Variants in GGNBP2 observed in about 807,000 individuals in gnomAD.
GGNBP2 encodes gametogenetin-binding protein 2.
A neutral mutation model predicts 85.9 loss-of-function variants in GGNBP2; 10 were observed. The observed-to-expected ratio is 0.12, with a 90% CI of 0.07 to 0.20. GGNBP2 has a LOEUF of 0.20. Among genes scored for constraint, GGNBP2 ranks in the 10% least tolerant of loss-of-function variants. The pLI is 1.00. For missense variants in GGNBP2, 595 were observed against 857.8 expected, an observed-to-expected ratio of 0.69 and a Z score of 3.83; for synonymous variants, 287 against 285.7, an observed-to-expected ratio of 1.00 and a Z score of -0.05.
At chr17:36,549,359 C>T (rs187692886) in intron 2 of GGNBP2, among the ~76,000 whole-genome samples, 15 of 152,244 alleles carry the variant, frequency 9.9e-5, no homozygotes, top group East Asian at 1.9e-4. Context: ...CGTGTCACCA[C>T]GCCCAGCTAA....
intron 4 of GGNBP2, among the ~76,000 whole-genome samples, chr17:36,559,296 CAAAAAAAAAAAAAAAAA>C (rs892895973): frequency 3.2e-5 from 1 of 31,498 alleles, no homozygotes; most frequent in Non-Finnish European, 7.1e-5. Flanking sequence ...GACTCTGTCT[CAAAAAAAAAAAAAAAAA>C]AAAAAAAAGA....
At chr17:36,573,979 A>AT (rs1388953088) in intron 6 of GGNBP2, among the ~76,000 whole-genome samples, 1 of 151,518 alleles carries the variant, frequency 6.6e-6, no homozygotes, top group Non-Finnish European at 1.5e-5. Flanking sequence ...TTTTTTTGTG[A>AT]TTGAGTTCTA....
At chr17:36,546,404 A>T (rs1355515545) in intron 2 of GGNBP2, 1 of 154,946 alleles carries the variant, frequency 6.5e-6, no homozygotes, top group Non-Finnish European at 1.4e-5. Context: ...CCTTTCTTCA[A>T]AACGGGCTTT....
chr17:36,562,964 A>C (rs2074433714), intron 5 of GGNBP2, among the ~76,000 whole-genome samples: 1 of 146,252 alleles, frequency 6.8e-6, no homozygotes, highest in Non-Finnish European at 1.5e-5. Context: ...AAAAAAAAAA[A>C]AAAAAAAAAA....
At chr17:36,566,649 C>T (rs575402599) in intron 5 of GGNBP2, among the ~76,000 whole-genome samples, 24 of 151,934 alleles carry the variant, frequency 1.6e-4, no homozygotes, top group African/African-American at 5.8e-4. Context: ...CCACTGCATT[C>T]CAGCCTGAGT....
chr17:36,563,223 A>G (rs2074437109), intron 5 of GGNBP2, among the ~76,000 whole-genome samples: 2 of 152,084 alleles, frequency 1.3e-5, no homozygotes, highest in Non-Finnish European at 2.9e-5. Flanking sequence ...CCAAGATCGC[A>G]CCATTGCACT....
intron 9 of GGNBP2, among the ~76,000 whole-genome samples, chr17:36,584,725 G>T (rs1417818935): frequency 6.6e-6 from 1 of 152,190 alleles, no homozygotes; most frequent in African/African-American, 2.4e-5. Flanking sequence ...ATGGCAGAAG[G>T]ATTGCTTAAG....
At position 36,581,363 on chromosome 17, in the gene GGNBP2, A is replaced by G. The variant is rs967623347; in HGVS notation, c.1040A>G (p.Gln347Arg). 1 of 1,602,204 alleles carries G rather than the reference A, an allele frequency of 6.2e-7. No individual in the cohort carries two copies. Among genetic ancestry groups the G allele is most frequent in the East Asian group, 2.2e-5 (1 of 44,778 alleles). ...TAATAGATGACCGTGGAAAAAGTACAGGGTATTAGCAGATTGGAACAACTT... is the reference window on the plus strand; with the variant it reads ...TAATAGATGACCGTGGAAAAAGTACGGGGTATTAGCAGATTGGAACAACTT... ...KSFEMTVEKV[Q>R]GISRLEQLCE... Residue 347 changes from glutamine to arginine, a missense_variant, in exon 9 of 14, where the codon CAG (glutamine) becomes CGG (arginine). Physicochemically the swap from Gln to Arg is conservative, Grantham distance 43 (BLOSUM62 1). Around this residue, in one of 9 missense-constraint regions of GGNBP2, gnomAD observed 92 missense variants for 183.9 expected, o/e 0.50. Coordinates refer to ENST00000613102, the MANE Select transcript of GGNBP2 (RefSeq NM_024835.5).
In GGNBP2 at chr17:36,554,352, ATTTTTTTTTTT is replaced by A. The variant is rs780217291; in HGVS notation, c.94-444_94-434del. On this transcript the variant is annotated intron_variant, in intron 2 of 13. Transcript: ENST00000613102. ...ATGGAAACTTGTCTTATGTACTTGA[ATTTTTTTTTTT>A]TTTTTTTTTTTTTTTTTTTTTTTGA... Among the ~76,000 whole-genome samples the A allele has an allele frequency of 3.0e-3, 134 of 44,518 alleles. 1 individual carries two copies. The highest frequency in any genetic ancestry group is 0.012 in the African/African-American group (108 of 9,124). The allele number at this position is 44,518 out of a possible 152,430, so 29.2% of individuals were successfully genotyped here. A position where few individuals can be genotyped will look rare whatever the true frequency, so the allele number is the denominator to read the frequency against.
chr17:36,581,170 A>C (rs1415389521), intron 8 of GGNBP2, among the ~76,000 whole-genome samples, 174 bp from the exon 9 acceptor site: 1 of 152,048 alleles, frequency 6.6e-6, no homozygotes, highest in Non-Finnish European at 1.5e-5. Context: ...CTGTAGTCCC[A>C]GCTACTTAGG....
chr17:36,575,739 C>T (rs1366897060), intron 6 of GGNBP2, among the ~76,000 whole-genome samples: 2 of 146,996 alleles, frequency 1.4e-5, no homozygotes, highest in Non-Finnish European at 3.0e-5. Context: ...CTCTGCCTCC[C>T]GGGTTCAAGC....
intron 4 of GGNBP2, among the ~76,000 whole-genome samples, chr17:36,557,712 G>A (rs900988313): frequency 2.6e-5 from 4 of 152,180 alleles, no homozygotes; most frequent in African/African-American, 9.7e-5. Flanking sequence ...GACAGCTAGT[G>A]TAAAGGTTCT....
In GGNBP2 at chr17:36,578,026, A is replaced by G; in HGVS notation, c.685A>G (p.Ile229Val). Residue 229 changes from isoleucine to valine, a missense_variant, in exon 7 of 14, where the codon ATC becomes GTC. By Grantham distance (29) the Ile-to-Val change is conservative. Around this residue, in one of 9 missense-constraint regions of GGNBP2, gnomAD observed 216 missense variants for 293.4 expected, o/e 0.74. Coordinates refer to ENST00000613102, the MANE Select transcript of GGNBP2 (RefSeq NM_024835.5). ...AAATAAAGTCCTCCGAGCATACAAT[A>G]TCCTTATTGGTGAACTTGACTGCAG... ...CKNKVLRAYN[I>V]LIGELDCSKE... The G allele has an allele frequency of 1.2e-6, 2 of 1,614,194 alleles. No individual in the cohort carries two copies. The highest frequency in any genetic ancestry group is 1.7e-6 in the Non-Finnish European group (2 of 1,180,030).
chr17:36,581,761 G>A (rs2074653096), intron 9 of GGNBP2: 4 of 302,782 alleles, frequency 1.3e-5, no homozygotes, highest in Non-Finnish European at 2.4e-5. Flanking sequence ...AAGTACAGTC[G>A]TCCCTTGGTA....
chr17:36,559,296 C>CAAAAAAA (rs892895973), intron 4 of GGNBP2, among the ~76,000 whole-genome samples: 2 of 31,494 alleles, frequency 6.4e-5, no homozygotes, highest in Non-Finnish European at 7.1e-5. Context: ...GACTCTGTCT[C>CAAAAAAA]AAAAAAAAAA....
Position 36,545,814 on chromosome 17 carries a change from G to A in GGNBP2, c.90G>A (p.Leu30=). Residue 30 remains leucine, a synonymous_variant, in exon 2 of 14, where the codon CTG becomes CTA. Coordinates refer to ENST00000613102, the MANE Select transcript of GGNBP2 (RefSeq NM_024835.5). The stretch of plus-strand genomic sequence containing the variant: ...TTCCCCTCTACATAGACGACACCCT[G>A]ACGGTGAGCGGGCCGGGCCGGGCTG... The part of the protein sequence containing the change: ...RQIPLYIDDT[L]TMVMEFPDNV... 1 of 1,553,636 alleles carries A rather than the reference G, an allele frequency of 6.4e-7. No homozygotes were observed.
chr17:36,585,999 C>T, intron 11 of GGNBP2, 34 bp downstream of exon 11: 1 of 1,613,850 alleles, frequency 6.2e-7, no homozygotes, highest in Non-Finnish European at 8.5e-7. Flanking sequence ...GTTATTTCTA[C>T]TACATGGCTG....
intron 6 of GGNBP2, among the ~76,000 whole-genome samples, chr17:36,575,686 A>T (rs2074574027): frequency 9.3e-6 from 1 of 107,360 alleles, no homozygotes; most frequent in Non-Finnish European, 1.7e-5. Context: ...CGCTCTTCTT[A>T]TGCAGGCTGG....
chr17:36,586,884 GT>G (rs956508985), intron 12 of GGNBP2, 112 bp from the exon 13 acceptor site: 16 of 1,069,192 alleles, frequency 1.5e-5, no homozygotes, highest in Non-Finnish European at 2.0e-5. Context: ...CTCCCAAAAT[GT>G]TGAGATTGTA....
Sources: allele counts gnomAD v4.1 joint callset (sites outside exome capture counted in the v4.1 genomes callset), GRCh38; gene constraint gnomAD v4.1.1; regional missense constraint gnomAD v4.1.1; transcripts MANE v1.5; gene names NCBI Gene and HGNC (gene_info 2026-07-23, HGNC 2026-07-21).